OOEP: variants seen among roughly 807,000 people sequenced by gnomAD.
The protein encoded by OOEP is oocyte expressed protein, also known as oocyte-expressed protein homolog.
A neutral mutation model predicts 13.7 loss-of-function variants in OOEP; 16 were observed. The ratio of observed to expected loss-of-function variants is 1.16; its 90% confidence interval spans 0.79 to 1.77. The LOEUF (loss-of-function observed/expected upper bound fraction) is 1.77. Among genes scored for constraint, OOEP ranks in the 40% most tolerant of loss-of-function variants. The pLI is 0.00. For missense variants in OOEP, 195 were observed against 193.1 expected (o/e 1.01, Z -0.06); for synonymous variants, 89 against 77.1 (o/e 1.15, Z -0.81).
At chr6:73,383,589 T>C (rs933924189) in intron 2 of OOEP, among the ~76,000 whole-genome samples, 6 of 151,470 alleles carry the variant, frequency 4.0e-5, no homozygotes, top group Non-Finnish European at 5.9e-5. Context: ...GAGCCGAGAT[T>C]GCGCCACTGC....
upstream of OOEP, chr6:73,395,158 G>T: frequency 3.1e-6 from 5 of 1,606,888 alleles, no homozygotes; most frequent in South Asian, 1.1e-5. Flanking sequence ...GGTAATCGGT[G>T]AGAATGGGAG....
intron 1 of OOEP, chr6:73,394,708 A>T (rs1253791945): frequency 2.6e-6 from 2 of 763,494 alleles, no homozygotes; most frequent in Non-Finnish European, 4.1e-6. Flanking sequence ...AGTCCCGCCC[A>T]CAACGCTCAC....
chr6:73,381,073 T>G (rs1023311792), intron 2 of OOEP, among the ~76,000 whole-genome samples: 1 of 151,646 alleles, frequency 6.6e-6, no homozygotes, highest in Non-Finnish European at 1.5e-5. Flanking sequence ...GCAGGAGAAT[T>G]GCTTGAACCC....
rs1339426986 is a variant in OOEP, at chr6:73,368,958, T to A, written c.371-95A>T. On this transcript the variant is annotated intron_variant, in intron 2 of 2. Coordinates refer to ENST00000370359, the MANE Select transcript of OOEP (RefSeq NM_001080507.3). ...CTGGGAGTTGGGGAGGAGAGAAAGA[T>A]CTGCGATAGTGCTGTAACCCAGGTG... is the stretch of plus-strand genomic sequence containing the variant. 1.3e-5 allele frequency: 13 copies of A among 993,216 alleles called. No individual in the cohort carries two copies. The East Asian group carries it at 3.0e-4, about 23-fold the overall frequency. 61.5% of individuals were successfully genotyped at this position (993,216 alleles called of 1,614,324 possible).
At chr6:73,378,567 A>G (rs1036278174) in intron 2 of OOEP, among the ~76,000 whole-genome samples, 1 of 151,672 alleles carries the variant, frequency 6.6e-6, no homozygotes, top group Non-Finnish European at 1.5e-5. Context: ...ATCTATATAT[A>G]TATGTTGAGT....
At chr6:73,371,732 A>G (rs1344222788), upstream of OOEP, among the ~76,000 whole-genome samples, 1 of 151,272 alleles carries the variant, frequency 6.6e-6, no homozygotes, top group Non-Finnish European at 1.5e-5. Flanking sequence ...CCTGGACAAC[A>G]AGAGCAAAAC....
rs767753320 is a variant in OOEP at position 73,369,221 on chromosome 6, C to G, written c.355G>C (p.Glu119Gln). The change falls in exon 2 of 3, where the codon GAA becomes CAA. Residue 119 changes from glutamate to glutamine, a missense_variant. Transcript: ENST00000370359. ...AGACCCTCACCTCGGGCACGATGTT[C>G]TCGGTGAAACCATGCCAGGCACAGG... The part of the protein sequence containing the change: ...MLLCLAWFHR[E>Q]HRARAEKMKH... 6.8e-6 allele frequency: 11 copies of G among 1,611,412 alleles called. No homozygotes were observed. Among genetic ancestry groups the G allele is most frequent in the African/African-American group, 2.7e-5 (2 of 74,776 alleles).
chr6:73,383,038 CCT>C (rs746777352), intron 2 of OOEP, among the ~76,000 whole-genome samples: 4 of 151,342 alleles, frequency 2.6e-5, no homozygotes, highest in Non-Finnish European at 4.4e-5. Flanking sequence ...GGGGTTTCCC[CCT>C]GTTGGCCAGG....
intron 2 of OOEP, among the ~76,000 whole-genome samples, chr6:73,376,047 G>A (rs935739124): frequency 3.9e-5 from 6 of 152,042 alleles, no homozygotes; most frequent in African/African-American, 7.2e-5. Context: ...GCCTCCAAAA[G>A]TGTTGTGATT....
At chr6:73,389,758 A>C in intron 2 of OOEP, among the ~76,000 whole-genome samples, 1 of 152,170 alleles carries the variant, frequency 6.6e-6, no homozygotes. Context: ...TGACGAGTTA[A>C]TGGGTGCAGC....
At chr6:73,374,942 C>T (rs1477794373) in intron 2 of OOEP, among the ~76,000 whole-genome samples, 2 of 152,200 alleles carry the variant, frequency 1.3e-5, no homozygotes, top group African/African-American at 4.8e-5. Flanking sequence ...TCTCCTGCCA[C>T]AGCCTCCTGA....
upstream of OOEP, among the ~76,000 whole-genome samples, chr6:73,370,418 T>C (rs1246126868): frequency 6.6e-6 from 1 of 152,138 alleles, no homozygotes; most frequent in African/African-American, 2.4e-5. Flanking sequence ...TCCAGTATCC[T>C]AAGACAACCA....
intron 2 of OOEP, 74 bp from the exon 3 acceptor site, chr6:73,368,937 G>C: frequency 2.6e-6 from 3 of 1,172,626 alleles, no homozygotes; most frequent in Non-Finnish European, 2.5e-6. Flanking sequence ...CCGTGACTGG[G>C]AGTTGGGGAG....
intron 2 of OOEP, among the ~76,000 whole-genome samples, chr6:73,375,557 A>T (rs474418): frequency 0.49 from 72,865 of 148,816 alleles, 18,270 homozygotes; most frequent in South Asian, 0.6. Flanking sequence ...TCCAGCCTGG[A>T]CTCTCTTTTC....
At chr6:73,388,273 G>T (rs764556924) in intron 2 of OOEP, among the ~76,000 whole-genome samples, 1 of 149,360 alleles carries the variant, frequency 6.7e-6, no homozygotes, top group Non-Finnish European at 1.5e-5. Context: ...TATAAACAGC[G>T]AAGAATGTAT....
chr6:73,394,833 A>G, exon 1 of OOEP: 1 of 1,566,660 alleles, frequency 6.4e-7, no homozygotes, highest in Non-Finnish European at 8.6e-7. Flanking sequence ...CTGGCACGCT[A>G]CTCTTACGAC....
chr6:73,373,498 T>A (rs1387420630), upstream of OOEP, among the ~76,000 whole-genome samples: 1 of 152,156 alleles, frequency 6.6e-6, no homozygotes, highest in East Asian at 1.9e-4. Flanking sequence ...GCTCAAGCAG[T>A]CCTCCTGCCT....
exon 1 of OOEP, chr6:73,394,883 C>A: frequency 6.2e-7 from 1 of 1,611,946 alleles, no homozygotes; most frequent in Non-Finnish European, 8.5e-7. Context: ...GCAACGACGT[C>A]GGACGCGCCC....
In OOEP at chr6:73,369,679, G is replaced by A. The variant is rs1306232200; in HGVS notation, c.114C>T (p.Pro38=). 1.9e-6 allele frequency: 3 copies of A among 1,614,018 alleles called. No homozygotes were observed. The highest frequency in any genetic ancestry group is 2.5e-6 in the Non-Finnish European group (3 of 1,179,876). The change falls in exon 1 of 3, where the codon CCC becomes CCT. Residue 38 remains proline (P), a synonymous_variant. Transcript: ENST00000370359. ...PLPPPQIRIR[P]WWFPVQELRD... ...TCAGTTCCTGCACCGGAAACCACCA[G>A]GGCCGGATGCGAATCTGTGGCGGCG... is the stretch of plus-strand genomic sequence containing the variant.
Sources: gnomAD v4.1 joint callset for allele counts (sites outside exome capture counted in the v4.1 genomes callset) on GRCh38, gnomAD v4.1.1 for gene constraint, MANE v1.5 for transcripts, NCBI Gene and HGNC (gene_info 2026-07-23, HGNC 2026-07-21) for gene names.